The following LTBP2 variants were observed in gnomAD, a reference collection of about 807,000 sequenced individuals.
The protein encoded by LTBP2 is latent transforming growth factor beta binding protein 2.
LTBP2 carries 103 observed loss-of-function variants against 210.6 expected under a neutral mutation model. That is an observed-to-expected ratio of 0.49 (90% CI 0.42 to 0.58). The LOEUF (loss-of-function observed/expected upper bound fraction) is 0.58, where lower values mean the gene tolerates loss of function less well. Among genes scored for constraint, LTBP2 ranks in the 20% least tolerant of loss-of-function variants. LTBP2 has a pLI of 0.00. For synonymous variants in LTBP2, 1,007 were observed against 1,015.0 expected (o/e 0.99, Z 0.15); for missense variants, 2,313 against 2,494.5 (o/e 0.93, Z 1.55).
chr14:74,531,791 C>T (rs2087353839), intron 10 of LTBP2, among the ~76,000 whole-genome samples: 1 of 152,238 alleles, frequency 6.6e-6, no homozygotes, highest in African/African-American at 2.4e-5. Context: ...CCTATCTGGG[C>T]TGTGGTGTCA....
intron 26 of LTBP2, 80 bp downstream of exon 26, chr14:74,507,099 G>A: frequency 6.2e-7 from 1 of 1,610,630 alleles, no homozygotes; most frequent in Non-Finnish European, 8.5e-7. Flanking sequence ...GTGTCCTCAG[G>A]AGAAAATCAT....
intron 3 of LTBP2, among the ~76,000 whole-genome samples, chr14:74,574,343 T>A (rs1431535070): frequency 6.6e-6 from 1 of 152,188 alleles, no homozygotes; most frequent in Non-Finnish European, 1.5e-5. Flanking sequence ...ACTAAGGCCA[T>A]GATGAGCTCT....
chr14:74,547,977 T>C (rs2087599974), intron 8 of LTBP2, among the ~76,000 whole-genome samples: 1 of 152,074 alleles, frequency 6.6e-6, no homozygotes. Context: ...ATTCTCTTGG[T>C]CTTACCTGCA....
In LTBP2 at chr14:74,498,903, T is replaced by G. The variant is rs2086880161; in HGVS notation, c.*1981A>C. The stretch of plus-strand genomic sequence containing the variant: ...AGAGCCACCTTTTTTAAGGGTTCCA[T>G]AGCAATTAATTGTTTCTAATCTTTA... On this transcript the variant is annotated 3_prime_UTR_variant, in exon 36 of 36. Transcript: ENST00000261978. The G allele has an allele frequency of 4.4e-6, 1 of 226,256 alleles. No individual in the cohort carries two copies. The highest frequency in any genetic ancestry group is 8.8e-6 in the Non-Finnish European group (1 of 113,824). The allele number at this position is 226,256 out of a possible 1,614,324, so 14.0% of individuals were successfully genotyped here.
rs367858833 is a variant in LTBP2, at chr14:74,502,930, G to A, written c.4893C>T (p.Val1631=). ...CALCPPRSSE[V]YAQLCNVARI... ...GAGCCACGTTGCACAGCTGAGCATA[G>A]ACCTCTGTCAGGGAGGAGGGAGAGA... is the stretch of plus-strand genomic sequence containing the variant. Residue 1631 remains valine, a synonymous_variant, in exon 34 of 36, where the codon GTC becomes GTT. Coordinates refer to ENST00000261978, the MANE Select transcript of LTBP2 (RefSeq NM_000428.3). 4 of 1,611,480 alleles carry A rather than the reference G, an allele frequency of 2.5e-6. No individual in the cohort carries two copies. The African/African-American group carries it at 5.3e-5, about 22-fold the overall frequency.
At chr14:74,608,691 C>G (rs1216207023) in intron 1 of LTBP2, among the ~76,000 whole-genome samples, 1 of 116,640 alleles carries the variant, frequency 8.6e-6, no homozygotes, top group African/African-American at 3.2e-5. Context: ...AGTGACAGGG[C>G]AAGAGACTCT....
intron 2 of LTBP2, among the ~76,000 whole-genome samples, chr14:74,592,655 T>C (rs574253915): frequency 6.6e-4 from 101 of 152,198 alleles, no homozygotes; most frequent in Admixed American, 1.6e-3. Context: ...ACCATGATGG[T>C]GTCAGTGCAC....
chr14:74,593,030 CA>C (rs1299495794), intron 2 of LTBP2, among the ~76,000 whole-genome samples: 1 of 152,166 alleles, frequency 6.6e-6, no homozygotes, highest in Non-Finnish European at 1.5e-5. Context: ...TCTGTGGAGT[CA>C]GCAGGACGCC....
rs192096741 is a variant in LTBP2, at chr14:74,535,960, C to G, written c.1830G>C (p.Gln610His). 1 of 1,614,186 alleles carries G rather than the reference C, an allele frequency of 6.2e-7. No homozygotes were observed. Among genetic ancestry groups the G allele is most frequent in the East Asian group, 2.2e-5 (1 of 44,880 alleles). ...GAGTGAGGTTCAGTCTCTTGTACCC[C>G]TGAGGACACTCCAGCTGGCCATTCT... is the stretch of plus-strand genomic sequence containing the variant. ...VIENGQLECP[Q>H]GYKRLNLTHC... The change falls in exon 9 of 36, where the codon CAG becomes CAC. Residue 610 changes from glutamine (Q) to histidine (H), a missense_variant. Coordinates refer to ENST00000261978, the MANE Select transcript of LTBP2 (RefSeq NM_000428.3).
At chr14:74,563,003 A>T (rs1299115177) in intron 3 of LTBP2, among the ~76,000 whole-genome samples, 1 of 152,142 alleles carries the variant, frequency 6.6e-6, no homozygotes, top group Non-Finnish European at 1.5e-5. Context: ...TAGCAGCTAA[A>T]GGCTTATACC....
chr14:74,517,999 C>T (rs1831497248), intron 17 of LTBP2, among the ~76,000 whole-genome samples: 1 of 152,234 alleles, frequency 6.6e-6, no homozygotes, highest in African/African-American at 2.4e-5. Flanking sequence ...AATCTCCAAG[C>T]CTTTGTTCAC....
At chr14:74,555,438 C>A in intron 4 of LTBP2, 65 bp downstream of exon 4, 1 of 1,562,134 alleles carries the variant, frequency 6.4e-7, no homozygotes, top group Non-Finnish European at 8.8e-7. Flanking sequence ...GAGGGGGAAG[C>A]CAAGGTGGGA....
intron 16 of LTBP2, 84 bp downstream of exon 16, chr14:74,522,706 T>C (rs2139710916): frequency 1.3e-6 from 2 of 1,491,810 alleles, no homozygotes; most frequent in Non-Finnish European, 1.8e-6. Flanking sequence ...CTTCTGCTTC[T>C]TCCTGGACTC....
At chr14:74,579,704 C>T (rs767675586) in intron 3 of LTBP2, among the ~76,000 whole-genome samples, 8 of 152,294 alleles carry the variant, frequency 5.3e-5, no homozygotes, top group Admixed American at 2.0e-4. Context: ...CCCTGTCTCC[C>T]CACGGACAAA....
chr14:74,556,748 C>T (rs1314276669), intron 3 of LTBP2, among the ~76,000 whole-genome samples: 2 of 152,170 alleles, frequency 1.3e-5, no homozygotes, highest in African/African-American at 4.8e-5. Context: ...GAACTCCTGG[C>T]CTCAGGTGAT....
rs1316248434 is a variant in LTBP2 at position 74,498,558 on chromosome 14, T to C, written c.*2326A>G. The C allele has an allele frequency of 1.3e-5, 3 of 227,368 alleles. No homozygotes were observed. Among genetic ancestry groups the C allele is most frequent in the African/African-American group, 2.2e-5 (1 of 44,954 alleles). 14.1% of individuals were successfully genotyped at this position (227,368 alleles called of 1,614,324 possible). A position where few individuals can be genotyped will look rare whatever the true frequency, so the allele number is the denominator to read the frequency against. On this transcript the variant is annotated 3_prime_UTR_variant, in exon 36 of 36. Coordinates refer to ENST00000261978, the MANE Select transcript of LTBP2 (RefSeq NM_000428.3). The stretch of plus-strand genomic sequence containing the variant: ...AAAAAAAGCAAAGTGCAGAACAGCA[T>C]GCATAGTATGCTATTTGTATTTTAA...
intron 6 of LTBP2, 114 bp from the exon 7 acceptor site, chr14:74,551,464 C>G (rs954465995): frequency 2.0e-6 from 2 of 1,017,590 alleles, no homozygotes; most frequent in Admixed American, 2.9e-5. Flanking sequence ...TATGTGTCAC[C>G]CCAAAACTCT....
chr14:74,511,179 GT>G, intron 19 of LTBP2, 65 bp downstream of exon 19: 1 of 1,610,084 alleles, frequency 6.2e-7, no homozygotes, highest in African/African-American at 1.3e-5. Context: ...CCCTTTCCGT[GT>G]GTGGGCTCAA....
chr14:74,608,618 G>A (rs930063850), intron 1 of LTBP2, among the ~76,000 whole-genome samples: 1 of 151,216 alleles, frequency 6.6e-6, no homozygotes, highest in Admixed American at 6.6e-5. Flanking sequence ...GCTGAGGCAC[G>A]AGAATTGCTT....
Sources: gnomAD v4.1 joint callset for allele counts (sites outside exome capture counted in the v4.1 genomes callset) on GRCh38, gnomAD v4.1.1 for gene constraint, MANE v1.5 for transcripts, NCBI Gene and HGNC (gene_info 2026-07-23, HGNC 2026-07-21) for gene names.